Variants in ABCB5 observed in about 807,000 individuals in gnomAD.
ABCB5 encodes ATP binding cassette subfamily B member 5.
In ABCB5, 155 loss-of-function variants were observed where a neutral mutation model predicts 144.2. The ratio of observed to expected loss-of-function variants is 1.08; its 90% CI spans 0.94 to 1.23. The LOEUF (loss-of-function observed/expected upper bound fraction) is 1.23, where lower values mean the gene tolerates loss of function less well. Ranked by LOEUF, ABCB5 falls within the 50% of genes most tolerant of loss-of-function variation. The pLI, the probability that ABCB5 is intolerant of heterozygous loss-of-function variation, is 0.00. For missense variants in ABCB5, 1,830 were observed against 1,520.8 expected, an observed-to-expected ratio of 1.20 and a Z score of -3.38; for synonymous variants, 610 against 528.6, an observed-to-expected ratio of 1.15 and a Z score of -2.11.
chr7:20,734,852 C>G (rs1430785859), intron 23 of ABCB5, among the ~76,000 whole-genome samples: 1 of 152,198 alleles, frequency 6.6e-6, no homozygotes, highest in African/African-American at 2.4e-5. Flanking sequence ...ACTCACCTCT[C>G]CCTTTGTTAG....
intron 14 of ABCB5, among the ~76,000 whole-genome samples, chr7:20,668,613 C>T (rs1785317200): frequency 1.3e-5 from 2 of 148,884 alleles, no homozygotes; most frequent in Admixed American, 6.7e-5. Context: ...CAGCCCCCCG[C>T]CCGGCCAGCC....
Position 20,743,029 on chromosome 7 carries a change from T to C in ABCB5, c.3177T>C (p.Ser1059=). 6.2e-7 allele frequency: 1 copy of C among 1,614,158 alleles called. No individual in the cohort carries two copies. The highest frequency in any genetic ancestry group is 8.5e-7 in the Non-Finnish European group (1 of 1,180,002). ...GCAGCGGCTGTGGGAAAAGCACTTC[T>C]GTTCAACTTCTGCAGAGACTTTATG... ...VGSSGCGKST[S]VQLLQRLYDP... is the part of the protein sequence containing the mutation. The change falls in exon 25 of 28, where the codon TCT becomes TCC. Residue 1059 remains serine, a synonymous_variant. Coordinates refer to ENST00000404938, the MANE Select transcript of ABCB5 (RefSeq NM_001163941.2).
intron 13 of ABCB5, among the ~76,000 whole-genome samples, chr7:20,654,518 G>C (rs1392329777): frequency 1.3e-5 from 2 of 152,092 alleles, no homozygotes; most frequent in Non-Finnish European, 2.9e-5. Context: ...GCATTTATAC[G>C]ACATTCCAGC....
At chr7:20,743,207 T>G in intron 25 of ABCB5, 133 bp downstream of exon 25, 3 of 915,964 alleles carry the variant, frequency 3.3e-6, no homozygotes, top group Non-Finnish European at 3.3e-6. Context: ...AAAATCTCTG[T>G]GTCAACCCTT....
intron 15 of ABCB5, among the ~76,000 whole-genome samples, chr7:20,683,751 T>C (rs1785900906): frequency 6.6e-6 from 1 of 152,098 alleles, no homozygotes; most frequent in African/African-American, 2.4e-5. Flanking sequence ...GTACAGTAAA[T>C]GTAACATACA....
intron 20 of ABCB5, among the ~76,000 whole-genome samples, chr7:20,708,312 T>C (rs1197473315): frequency 6.6e-6 from 1 of 152,112 alleles, no homozygotes; most frequent in Non-Finnish European, 1.5e-5. Context: ...GCATTTAGTA[T>C]TTGATAATAG....
At chr7:20,740,845 ACCTGTAAT>A (rs1399641871) in intron 24 of ABCB5, among the ~76,000 whole-genome samples, 4 of 152,054 alleles carry the variant, frequency 2.6e-5, no homozygotes, top group African/African-American at 9.7e-5. Context: ...GGTGGCTTAC[ACCTGTAAT>A]CCCAGGACTT....
intron 14 of ABCB5, among the ~76,000 whole-genome samples, chr7:20,675,925 G>C (rs557637865): frequency 1.3e-5 from 2 of 151,962 alleles, no homozygotes; most frequent in Non-Finnish European, 2.9e-5. Flanking sequence ...AAAGATTCTT[G>C]ACATCACTAG....
intron 19 of ABCB5, among the ~76,000 whole-genome samples, 191 bp downstream of exon 19, chr7:20,700,326 G>A (rs1177151750): frequency 1.3e-5 from 2 of 152,090 alleles, no homozygotes. Context: ...AAAGTGTGAC[G>A]TTAAAAAAAT....
Position 20,746,978 on chromosome 7 carries a change from C to CG in ABCB5, c.3429+1540_3429+1541insG, listed in dbSNP as rs1450769600. Among the ~76,000 whole-genome samples, 6 of 152,268 alleles carry CG rather than the reference C, an allele frequency of 3.9e-5. No homozygotes were observed. In the South Asian group the frequency reaches 1.2e-3, roughly 32 times the overall value. ...TGAAGGCCAATAGCCATCATACTCT[C>CG]TAACTTTTATACTCTTTCCCTCACC... On this transcript the variant is annotated intron_variant, in intron 26 of 27. Transcript: ENST00000404938.
intron 25 of ABCB5, among the ~76,000 whole-genome samples, chr7:20,744,571 C>CA (rs1782661307): frequency 6.7e-6 from 1 of 150,126 alleles, no homozygotes; most frequent in Non-Finnish European, 1.5e-5. Context: ...GTTATTTGTT[C>CA]ATGTGTTTAT....
At chr7:20,670,722 C>G (rs147219101) in intron 14 of ABCB5, among the ~76,000 whole-genome samples, 1,687 of 152,246 alleles carry the variant, frequency 0.011, 28 homozygotes, top group South Asian at 0.045. Context: ...CCAGCCTGAC[C>G]AACACAGAGA....
intron 20 of ABCB5, among the ~76,000 whole-genome samples, chr7:20,715,922 G>A (rs533813936): frequency 1.3e-5 from 2 of 151,858 alleles, no homozygotes; most frequent in South Asian, 2.1e-4. Flanking sequence ...CTTTCACCAC[G>A]TTGGTCAGGC....
chr7:20,690,700 T>C (rs1470683653), intron 16 of ABCB5, among the ~76,000 whole-genome samples: 1 of 152,000 alleles, frequency 6.6e-6, no homozygotes, highest in Non-Finnish European at 1.5e-5. Context: ...AGAAATAAAA[T>C]ATAGATGGAT....
intron 3 of ABCB5, among the ~76,000 whole-genome samples, chr7:20,627,940 G>C (rs534842092): frequency 2.9e-4 from 44 of 152,198 alleles, no homozygotes; most frequent in African/African-American, 1.0e-3. Flanking sequence ...TAAAGTTTCT[G>C]ATTCATACCC....
chr7:20,733,944 G>A (rs17219864), intron 23 of ABCB5, among the ~76,000 whole-genome samples: 7 of 151,976 alleles, frequency 4.6e-5, no homozygotes, highest in South Asian at 2.1e-4. Context: ...CCAGCCTCAC[G>A]TTTTGAGTTT....
chr7:20,695,198 C>T (rs551984046), intron 16 of ABCB5, among the ~76,000 whole-genome samples: 20 of 152,030 alleles, frequency 1.3e-4, no homozygotes, highest in Middle Eastern at 3.4e-3. Context: ...GTAATCAAAA[C>T]ATTTCAATGG....
chr7:20,623,658 A>G (rs917978387), intron 2 of ABCB5, among the ~76,000 whole-genome samples: 1 of 152,192 alleles, frequency 6.6e-6, no homozygotes, highest in Non-Finnish European at 1.5e-5. Flanking sequence ...TTTAATTTCA[A>G]TTCTCTGTGG....
intron 22 of ABCB5, 23 bp downstream of exon 22, chr7:20,727,163 T>G: frequency 6.3e-7 from 1 of 1,579,504 alleles, no homozygotes; most frequent in Non-Finnish European, 8.7e-7. Flanking sequence ...TCATACTGAC[T>G]TCAAAAACTT....
Sources: allele counts gnomAD v4.1 joint callset (sites outside exome capture counted in the v4.1 genomes callset), GRCh38; gene constraint gnomAD v4.1.1; transcripts MANE v1.5; gene names NCBI Gene and HGNC (gene_info 2026-07-23, HGNC 2026-07-21).